Variants in ARB2A observed in about 807,000 individuals in gnomAD.
ARB2A encodes the protein ARB2 cotranscriptional regulator A, also known as cotranscriptional regulator ARB2A.
At chr5:93,712,135 CCA>C in the ARB2A span, among the ~76,000 whole-genome samples, 1 of 152,134 alleles carries the variant, frequency 6.6e-6, no homozygotes, top group African/African-American at 2.4e-5. Flanking sequence ...ACGGATCCAT[CCA>C]CAGAGTCTTA....
At chr5:93,722,385 G>A in the ARB2A span, among the ~76,000 whole-genome samples, 1 of 152,128 alleles carries the variant, frequency 6.6e-6, no homozygotes, top group East Asian at 1.9e-4. Context: ...TTTATGCACA[G>A]TAAATAATGT....
At chr5:93,850,803 G>C in the ARB2A span, among the ~76,000 whole-genome samples, 1 of 152,040 alleles carries the variant, frequency 6.6e-6, no homozygotes, top group Non-Finnish European at 1.5e-5. Context: ...TTTTCATACT[G>C]TAACTAACTC....
At chr5:93,864,156 A>G in the ARB2A span, among the ~76,000 whole-genome samples, 14 of 152,326 alleles carry the variant, frequency 9.2e-5, 1 homozygote, top group East Asian at 7.7e-4. Flanking sequence ...ACTTCATATT[A>G]TATTTCCTAA....
chr5:93,873,300 AAG>A, the ARB2A span, among the ~76,000 whole-genome samples: 113 of 14,746 alleles, frequency 7.7e-3, 2 homozygotes, highest in African/African-American at 0.015. Flanking sequence ...TCAAAAAAAA[AAG>A]GGGGGGGGGA....
the ARB2A span, among the ~76,000 whole-genome samples, chr5:93,662,278 C>T: frequency 6.6e-6 from 1 of 152,036 alleles, no homozygotes; most frequent in Admixed American, 6.6e-5. Flanking sequence ...GGTCTCTGTT[C>T]CTTGTAGATA....
the ARB2A span, among the ~76,000 whole-genome samples, chr5:93,651,401 G>A: frequency 1.3e-5 from 2 of 152,182 alleles, no homozygotes; most frequent in Non-Finnish European, 2.9e-5. Flanking sequence ...CTCCCAAAGT[G>A]CTGGGATTAT....
the ARB2A span, among the ~76,000 whole-genome samples, chr5:93,897,636 A>T: frequency 2.0e-5 from 3 of 151,892 alleles, no homozygotes; most frequent in African/African-American, 7.2e-5. Context: ...GATTAATTAT[A>T]TATTATAATA....
At chr5:93,847,210 T>C in the ARB2A span, among the ~76,000 whole-genome samples, 2 of 152,206 alleles carry the variant, frequency 1.3e-5, no homozygotes, top group East Asian at 3.8e-4. Context: ...GCTCCATTTC[T>C]AATTCTAGTT....
chr5:93,813,574 G>A, the ARB2A span, among the ~76,000 whole-genome samples: 1 of 152,108 alleles, frequency 6.6e-6, no homozygotes, highest in Non-Finnish European at 1.5e-5. Flanking sequence ...TTAGCATGGC[G>A]TGAACCACAA....
At chr5:94,104,390 C>T in the ARB2A span, among the ~76,000 whole-genome samples, 1 of 150,176 alleles carries the variant, frequency 6.7e-6, no homozygotes, top group Non-Finnish European at 1.5e-5. Context: ...TCTACCTACA[C>T]AAACTAGAAA....
the ARB2A span, chr5:94,055,617 G>A: frequency 1.0e-6 from 1 of 984,734 alleles, no homozygotes; most frequent in Non-Finnish European, 1.2e-6. Flanking sequence ...GTTTAAAAAG[G>A]GACATATGTT....
At chr5:93,914,455 CA>C in the ARB2A span, among the ~76,000 whole-genome samples, 1 of 151,786 alleles carries the variant, frequency 6.6e-6, no homozygotes, top group Non-Finnish European at 1.5e-5. Context: ...CTATCTTATT[CA>C]AAATAAATTG....
At chr5:93,824,340 T>C in the ARB2A span, 2 of 1,051,022 alleles carry the variant, frequency 1.9e-6, no homozygotes, top group Non-Finnish European at 2.7e-6. Flanking sequence ...AATTAAATTA[T>C]ATGCTTGCAT....
At chr5:93,923,987 G>C in the ARB2A span, among the ~76,000 whole-genome samples, 1 of 152,084 alleles carries the variant, frequency 6.6e-6, no homozygotes, top group African/African-American at 2.4e-5. Context: ...AGAGTGGAAA[G>C]TTTTTGAGCA....
the ARB2A span, among the ~76,000 whole-genome samples, chr5:93,640,596 G>GTA: frequency 1.3e-4 from 19 of 148,758 alleles, no homozygotes; most frequent in African/African-American, 4.4e-4. Flanking sequence ...GTGTGTGTGT[G>GTA]TATACATATG....
At chr5:94,072,655 T>C in the ARB2A span, among the ~76,000 whole-genome samples, 5 of 152,006 alleles carry the variant, frequency 3.3e-5, no homozygotes, top group Non-Finnish European at 7.4e-5. Flanking sequence ...ATACAGAACA[T>C]ATTTTCAGAA....
chr5:94,071,442 A>G, the ARB2A span, among the ~76,000 whole-genome samples: 1 of 152,090 alleles, frequency 6.6e-6, no homozygotes, highest in Admixed American at 6.6e-5. Context: ...AGACCTGTTA[A>G]GAGGGTGAAA....
the ARB2A span, among the ~76,000 whole-genome samples, chr5:93,969,974 C>T: frequency 6.6e-6 from 1 of 151,920 alleles, no homozygotes. Context: ...TATATTACTG[C>T]ATAGGTAAGG....
chr5:93,791,293 A>G, the ARB2A span, among the ~76,000 whole-genome samples: 1 of 152,222 alleles, frequency 6.6e-6, no homozygotes, highest in African/African-American at 2.4e-5. Flanking sequence ...TTTCCCTGTT[A>G]CAGTGCTCTG....
Sources: allele counts gnomAD v4.1 joint callset (sites outside exome capture counted in the v4.1 genomes callset), GRCh38; gene constraint gnomAD v4.1.1; transcripts MANE v1.5; gene names NCBI Gene and HGNC (gene_info 2026-07-23, HGNC 2026-07-21).